Variants in TST observed in about 807,000 individuals in gnomAD.
TST encodes the protein epididymis secretory sperm binding protein.
A neutral mutation model predicts 20.4 loss-of-function variants in TST; 22 were observed. The ratio of observed to expected loss-of-function variants is 1.08; its 90% CI spans 0.77 to 1.54. The LOEUF is 1.54. Among genes scored for constraint, TST ranks in the 40% most tolerant of loss-of-function variants. TST has a pLI of 0.00. For synonymous variants in TST, 187 were observed against 173.8 expected (o/e 1.08, Z -0.60); for missense variants, 392 against 405.2 (o/e 0.97, Z 0.28).
At chr22:37,013,730 G>A (rs561763453) in intron 2 of TST, among the ~76,000 whole-genome samples, 3 of 152,282 alleles carry the variant, frequency 2.0e-5, no homozygotes, top group South Asian at 2.1e-4. Context: ...CCCTACCAAC[G>A]AGGAACAATG....
chr22:37,014,869 C>G (rs1239415808), intron 2 of TST, among the ~76,000 whole-genome samples: 2 of 152,144 alleles, frequency 1.3e-5, no homozygotes, highest in Non-Finnish European at 2.9e-5. Flanking sequence ...ACTAAGGAAT[C>G]CAGAGCAGGC....
chr22:37,012,796 A>AGCACT (rs540498289), intron 2 of TST, among the ~76,000 whole-genome samples: 156 of 152,348 alleles, frequency 1.0e-3, no homozygotes, highest in Non-Finnish European at 1.8e-3. Flanking sequence ...CTGTAGTCCC[A>AGCACT]GCACTTTGGG....
intron 2 of TST, among the ~76,000 whole-genome samples, chr22:37,014,140 A>G (rs1922584019): frequency 6.6e-6 from 1 of 152,148 alleles, no homozygotes; most frequent in Admixed American, 6.5e-5. Context: ...AGGTGGGCGG[A>G]TCACGAGGTC....
Position 37,011,085 on chromosome 22 carries a change from C to T in TST, c.836G>A (p.Trp279Ter). 1 of 1,612,936 alleles carries T rather than the reference C, an allele frequency of 6.2e-7. No individual in the cohort carries two copies. The highest frequency in any genetic ancestry group is 8.5e-7 in the Non-Finnish European group (1 of 1,179,984). ...VAVYDGSWSE[W>*]FRRAPPESRV... The stretch of plus-strand genomic sequence containing the variant: ...GCTCTCTGGGGGGGCCCGGCGAAAC[C>T]ACTCGGACCAGGAGCCATCGTACAC... The change falls in exon 3 of 3, where the codon TGG (tryptophan) becomes TAG (stop). Residue 279 changes from tryptophan (W) to a stop codon, truncating the protein, a stop_gained. Coordinates refer to ENST00000249042, the MANE Select transcript of TST (RefSeq NM_003312.6). LOFTEE classifies it high-confidence loss of function.
chr22:37,019,832 G>T (rs1288876941), upstream of TST: 2 of 1,208,370 alleles, frequency 1.7e-6, no homozygotes, highest in African/African-American at 1.6e-5. Context: ...CGCGCCGCGG[G>T]GGCCATGGCG....
chr22:37,018,217 A>C lies in TST; in HGVS notation c.516T>G (p.Leu172=). The C allele has an allele frequency of 6.2e-7, 1 of 1,613,578 alleles. No homozygotes were observed. Among genetic ancestry groups the C allele is most frequent in the Non-Finnish European group, 8.5e-7 (1 of 1,179,868 alleles). ...LKTYEQVLEN[L]ESKRFQLVDS... ...CCACCAGCTGGAACCTCTTAGATTC[A>C]AGGTTCTCCAGCACCTGCTCGTAGG... Residue 172 remains leucine (L), a synonymous_variant, in exon 2 of 3, where the codon CTT becomes CTG. Coordinates refer to ENST00000249042, the MANE Select transcript of TST (RefSeq NM_003312.6).
At chr22:37,013,264 G>A (rs1466266220) in intron 2 of TST, 1 of 152,192 alleles carries the variant, frequency 6.6e-6, no homozygotes, top group Non-Finnish European at 1.5e-5. Flanking sequence ...CTGATCACCA[G>A]TTACAGATTT....
At chr22:37,013,300 C>T (rs896909610) in intron 2 of TST, 26 of 152,170 alleles carry the variant, frequency 1.7e-4, no homozygotes, top group African/African-American at 5.3e-4. Context: ...ACTCCCACTG[C>T]TTCACTTGAA....
intron 2 of TST, among the ~76,000 whole-genome samples, chr22:37,013,969 C>T (rs1322207060): frequency 6.6e-6 from 1 of 152,170 alleles, no homozygotes; most frequent in Non-Finnish European, 1.5e-5. Context: ...CACACTGGGC[C>T]AGCTGGACGG....
intron 2 of TST, among the ~76,000 whole-genome samples, chr22:37,017,457 T>C (rs893453892): frequency 3.9e-5 from 6 of 152,198 alleles, no homozygotes; most frequent in Non-Finnish European, 1.5e-5. Flanking sequence ...ATTCGAATCC[T>C]GCCTTCCACC....
intron 2 of TST, among the ~76,000 whole-genome samples, chr22:37,015,734 C>A (rs950594607): frequency 4.6e-5 from 7 of 152,146 alleles, no homozygotes; most frequent in Admixed American, 1.3e-4. Context: ...GACCGCTGAA[C>A]CTACAGGGTG....
chr22:37,019,610 G>A (rs1380940898), upstream of TST: 2 of 243,816 alleles, frequency 8.2e-6, no homozygotes, highest in Admixed American at 5.6e-5. Context: ...CGGGACCCGC[G>A]GGGGTCTGAG....
At chr22:37,014,707 G>A (rs890659028) in intron 2 of TST, among the ~76,000 whole-genome samples, 3 of 152,182 alleles carry the variant, frequency 2.0e-5, no homozygotes, top group Non-Finnish European at 4.4e-5. Context: ...TGTGTTCTTT[G>A]ACCACCCTGA....
rs1569162867 is a variant in TST at position 37,018,202 on chromosome 22, G to A, written c.531C>T (p.Phe177=). 1 of 1,612,278 alleles carries A rather than the reference G, an allele frequency of 6.2e-7. No individual in the cohort carries two copies. The highest frequency in any genetic ancestry group is 8.5e-7 in the Non-Finnish European group (1 of 1,179,124). The change falls in exon 2 of 3, where the codon TTC becomes TTT. Residue 177 remains phenylalanine, a synonymous_variant. Coordinates refer to ENST00000249042, the MANE Select transcript of TST (RefSeq NM_003312.6). ...CTTGAGACCTTGAATCCACCAGCTG[G>A]AACCTCTTAGATTCAAGGTTCTCCA... ...QVLENLESKR[F]QLVDSRSQGR...
intron 2 of TST, among the ~76,000 whole-genome samples, chr22:37,015,359 G>A (rs1379617858): frequency 6.6e-6 from 1 of 152,258 alleles, no homozygotes; most frequent in Non-Finnish European, 1.5e-5. Flanking sequence ...AGAAAATTAA[G>A]TCGATAAAGA....
upstream of TST, chr22:37,020,094 G>A (rs1922955276): frequency 1.0e-5 from 4 of 391,322 alleles, no homozygotes; most frequent in Admixed American, 4.4e-5. Context: ...GGGTGGAAGT[G>A]GGTGACCTGG....
chr22:37,011,381 G>A, intron 2 of TST, 56 bp from the exon 3 acceptor site: 3 of 1,536,380 alleles, frequency 2.0e-6, no homozygotes, highest in Non-Finnish European at 2.7e-6. Flanking sequence ...GGACTAATGG[G>A]GCCTGGAGGA....
chr22:37,019,594 G>A (rs1192344342), upstream of TST: 2 of 198,308 alleles, frequency 1.0e-5, no homozygotes, highest in African/African-American at 4.7e-5. Flanking sequence ...TCGCGCGCGG[G>A]GCCTCCGGGA....
intron 2 of TST, among the ~76,000 whole-genome samples, chr22:37,017,252 C>T (rs1922714434): frequency 6.6e-6 from 1 of 152,120 alleles, no homozygotes; most frequent in Non-Finnish European, 1.5e-5. Context: ...TCAGCATTTC[C>T]TCTCCTGAGG....
Sources: allele counts gnomAD v4.1 joint callset (sites outside exome capture counted in the v4.1 genomes callset), GRCh38; gene constraint gnomAD v4.1.1; transcripts MANE v1.5; gene names NCBI Gene and HGNC (gene_info 2026-07-23, HGNC 2026-07-21).